Variants in NRG4 observed in about 807,000 individuals in gnomAD.
NRG4 encodes the protein neuregulin 4.
Under a neutral mutation model 15.0 loss-of-function variants are expected in NRG4, and 10 were observed. The ratio of observed to expected loss-of-function variants is 0.67; its 90% CI spans 0.41 to 1.13. The LOEUF (loss-of-function observed/expected upper bound fraction) is 1.13, where lower values mean the gene tolerates loss of function less well. Ranked by LOEUF, NRG4 falls within the 50% of genes most tolerant of loss-of-function variation. The pLI is 0.00. For missense variants in NRG4, 139 were observed against 140.2 expected (o/e 0.99, Z 0.04); for synonymous variants, 41 against 50.1 (o/e 0.82, Z 0.77).
At chr15:76,035,338 C>A (rs894697258) in intron 5 of NRG4, among the ~76,000 whole-genome samples, 1 of 152,314 alleles carries the variant, frequency 6.6e-6, no homozygotes, top group Non-Finnish European at 1.5e-5. Flanking sequence ...CCTCCCTGAA[C>A]TCAGCAGACT....
intron 5 of NRG4, among the ~76,000 whole-genome samples, chr15:76,025,745 TGGG>T (rs967177038): frequency 8.6e-5 from 13 of 151,752 alleles, no homozygotes; most frequent in South Asian, 4.2e-4. Context: ...GGCATACTGG[TGGG>T]TGCCTGTAAT....
At chr15:76,036,048 T>C (rs1337184931) in intron 4 of NRG4, 1 of 152,224 alleles carries the variant, frequency 6.6e-6, no homozygotes, top group Non-Finnish European at 1.5e-5. Context: ...CAGTTTTATC[T>C]CCTAGTATGT....
chr15:75,993,613 C>T (rs1018318448), intron 3 of NRG4, among the ~76,000 whole-genome samples: 1 of 151,606 alleles, frequency 6.6e-6, no homozygotes, highest in Non-Finnish European at 1.5e-5. Flanking sequence ...GCAGGAGAAT[C>T]ACTGGAACCC....
chr15:75,984,751 T>C (rs8027685), intron 3 of NRG4, among the ~76,000 whole-genome samples: 86,688 of 151,998 alleles, frequency 0.57, 25,141 homozygotes, highest in South Asian at 0.71. Flanking sequence ...CAAACCTGCA[T>C]GTTCTGTACA....
rs1442642112 is a variant in NRG4, at chr15:76,011,241, A to G, written c.-11T>C. ...ATTACCTGTTGGCATCTTAATTTGT[A>G]AATAGTTTCATTCTTGGTCAAGAGA... On this transcript the variant is annotated 5_prime_UTR_variant, in exon 2 of 6. Transcript: ENST00000394907. The G allele has an allele frequency of 4.1e-6, 6 of 1,452,596 alleles. No homozygotes were observed. Among genetic ancestry groups the G allele is most frequent in the Non-Finnish European group, 5.5e-6 (6 of 1,094,784 alleles). 90.0% of individuals were successfully genotyped at this position (1,452,596 alleles called of 1,614,324 possible). A position where few individuals can be genotyped will look rare whatever the true frequency, so the allele number is the denominator to read the frequency against.
intron 3 of NRG4, among the ~76,000 whole-genome samples, chr15:75,972,923 T>C (rs919646470): frequency 6.6e-6 from 1 of 152,210 alleles, no homozygotes; most frequent in African/African-American, 2.4e-5. Flanking sequence ...CAATGGTAGC[T>C]TGACAGGGAT....
chr15:75,988,034 T>C (rs1417406255), intron 3 of NRG4, among the ~76,000 whole-genome samples: 2 of 152,200 alleles, frequency 1.3e-5, no homozygotes, highest in Non-Finnish European at 2.9e-5. Context: ...ACACTTGACA[T>C]TTACCTAGAC....
At chr15:76,019,468 G>A (rs2035084730) in intron 5 of NRG4, among the ~76,000 whole-genome samples, 1 of 152,186 alleles carries the variant, frequency 6.6e-6, no homozygotes, top group Non-Finnish European at 1.5e-5. Flanking sequence ...TTTTGTGCTT[G>A]AAACTCAGGG....
At position 76,006,983 on chromosome 15, in the gene NRG4, C is replaced by T. The variant is rs1020904233; in HGVS notation, c.104+2217G>A. On this transcript the variant is annotated intron_variant, in intron 3 of 5. Transcript: ENST00000394907. ...TACTCTGTCCACAATGCCATTAAAT[C>T]GGATATAAATATAAAAGGATAGGAA... Among the ~76,000 whole-genome samples, 6 of 151,738 alleles carry T rather than the reference C, an allele frequency of 4.0e-5. No homozygotes were observed. The South Asian group carries it at 6.2e-4, about 16-fold the overall frequency.
intron 5 of NRG4, among the ~76,000 whole-genome samples, chr15:75,946,337 C>T (rs1595939094): frequency 6.6e-6 from 1 of 152,160 alleles, no homozygotes; most frequent in South Asian, 2.1e-4. Flanking sequence ...CACACCATCT[C>T]CAGAACTTTT....
At chr15:75,983,115 C>G (rs2033664514) in intron 3 of NRG4, among the ~76,000 whole-genome samples, 2 of 152,130 alleles carry the variant, frequency 1.3e-5, no homozygotes, top group South Asian at 4.1e-4. Flanking sequence ...ATCAAATGTT[C>G]TCAAGAGAAA....
upstream of NRG4, among the ~76,000 whole-genome samples, chr15:76,014,895 C>G (rs1726217892): frequency 6.6e-6 from 1 of 152,096 alleles, no homozygotes; most frequent in South Asian, 2.1e-4. Context: ...TCAATGGTAG[C>G]CTGATGGGGA....
downstream of NRG4, chr15:75,938,869 C>G (rs1595926940): frequency 6.6e-6 from 1 of 152,174 alleles, no homozygotes; most frequent in African/African-American, 2.4e-5. Context: ...TTAAACAAAA[C>G]ACTCAACCAA....
chr15:75,981,530 T>C (rs2033607113), intron 3 of NRG4, among the ~76,000 whole-genome samples: 1 of 152,128 alleles, frequency 6.6e-6, no homozygotes, highest in South Asian at 2.1e-4. Context: ...ATTTGTGGCA[T>C]TGGATTTTGG....
intron 5 of NRG4, among the ~76,000 whole-genome samples, chr15:76,027,286 A>T (rs1567118223): frequency 6.6e-6 from 1 of 152,108 alleles, no homozygotes. Flanking sequence ...ATATTAGACA[A>T]AACAGATTTC....
At chr15:76,035,662 A>G (rs532558405) in intron 5 of NRG4, among the ~76,000 whole-genome samples, 7 of 152,266 alleles carry the variant, frequency 4.6e-5, no homozygotes, top group African/African-American at 1.4e-4. Flanking sequence ...TTAGGAGTCT[A>G]TCCTTGAAAT....
At position 75,955,989 on chromosome 15, in the gene NRG4, T is replaced by A. The variant is rs774978082; in HGVS notation, c.274A>T (p.Ser92Cys). The A allele has an allele frequency of 3.1e-6, 5 of 1,611,138 alleles. No homozygotes were observed. The East Asian group carries it at 1.1e-4, about 36-fold the overall frequency. ...LCRKGHFQRA[S>C]SVQYDINLVE... The stretch of plus-strand genomic sequence containing the variant: ...AGGTTGATATCATACTGGACTGAAC[T>A]GGCTCTCTGAAAGTGGCCTTTCCTG... Residue 92 changes from serine to cysteine, a missense_variant, in exon 5 of 6, where the codon AGT becomes TGT. Ser to Cys is a moderately radical substitution (Grantham distance 112). Coordinates refer to ENST00000394907, the MANE Select transcript of NRG4 (RefSeq NM_138573.4).
chr15:75,998,844 A>G (rs1468989478), intron 3 of NRG4, among the ~76,000 whole-genome samples: 9 of 152,208 alleles, frequency 5.9e-5, no homozygotes, highest in Admixed American at 5.9e-4. Flanking sequence ...AAGATTCAGC[A>G]TCATAAAGAA....
At chr15:75,963,710 G>A (rs72734564) in intron 3 of NRG4, among the ~76,000 whole-genome samples, 37,050 of 150,696 alleles carry the variant, frequency 0.25, 5,503 homozygotes, top group Non-Finnish European at 0.33. Flanking sequence ...CCTGGGAGGC[G>A]GAGGTTGCAG....
Sources: gnomAD v4.1 joint callset for allele counts (sites outside exome capture counted in the v4.1 genomes callset) on GRCh38, gnomAD v4.1.1 for gene constraint, MANE v1.5 for transcripts, NCBI Gene and HGNC (gene_info 2026-07-23, HGNC 2026-07-21) for gene names.